FARP2: variants seen among roughly 807,000 people sequenced by gnomAD.
FARP2 encodes FERM, ARHGEF and pleckstrin domain-containing protein 2.
FARP2 carries 111 observed loss-of-function variants against 130.5 expected under a neutral mutation model. The observed-to-expected ratio is 0.85, with a 90% CI of 0.73 to 1.00. The LOEUF (loss-of-function observed/expected upper bound fraction) is 1.00. FARP2 is among the 50% of genes least tolerant of loss of function. The probability of loss-of-function intolerance (pLI) is 0.00; values close to 1 mark genes in which losing one functional copy is unlikely to be tolerated. For synonymous variants in FARP2, 504 were observed against 516.9 expected (o/e 0.98, Z 0.34); for missense variants, 1,385 against 1,346.3 (o/e 1.03, Z -0.45).
intron 2 of FARP2, among the ~76,000 whole-genome samples, chr2:241,385,442 A>G (rs1055293169): frequency 6.6e-6 from 1 of 152,182 alleles, no homozygotes; most frequent in Non-Finnish European, 1.5e-5. Flanking sequence ...AATGAGTAGG[A>G]TGGGCACAGT....
intron 13 of FARP2, chr2:241,441,763 C>T (rs1033990308): frequency 1.0e-5 from 7 of 699,482 alleles, no homozygotes; most frequent in South Asian, 9.2e-5. Flanking sequence ...TGGGGGGGCC[C>T]CTGCTTTCAC....
At chr2:241,478,960 C>T (rs1362316948) in intron 19 of FARP2, 1 of 416,000 alleles carries the variant, frequency 2.4e-6, no homozygotes, top group African/African-American at 2.1e-5. Context: ...GAAAGAAGGC[C>T]AAGATTTTGC....
At chr2:241,447,987 C>T (rs1470955730) in intron 13 of FARP2, among the ~76,000 whole-genome samples, 5 of 152,166 alleles carry the variant, frequency 3.3e-5, no homozygotes, top group Non-Finnish European at 7.4e-5. Context: ...CACCTGAGGC[C>T]AGGGTGGGAG....
chr2:241,382,292 AT>A (rs772855102), intron 2 of FARP2, among the ~76,000 whole-genome samples: 503 of 126,242 alleles, frequency 4.0e-3, no homozygotes, highest in African/African-American at 5.4e-3. Context: ...TACAAAATCT[AT>A]TTTTTTTTTT....
chr2:241,393,822 T>C (rs2150332495), intron 2 of FARP2, among the ~76,000 whole-genome samples: 1 of 152,364 alleles, frequency 6.6e-6, no homozygotes, highest in Non-Finnish European at 1.5e-5. Context: ...ACAATATTGT[T>C]TATACCTAAG....
chr2:241,377,358 A>C (rs111996634), intron 2 of FARP2, among the ~76,000 whole-genome samples: 267 of 145,740 alleles, frequency 1.8e-3, no homozygotes, highest in South Asian at 4.9e-3. Context: ...TTTTTGAGAC[A>C]GAGTCTCGCT....
intron 18 of FARP2, among the ~76,000 whole-genome samples, chr2:241,469,071 G>A (rs1364419439): frequency 6.6e-6 from 1 of 150,818 alleles, no homozygotes; most frequent in African/African-American, 2.4e-5. Flanking sequence ...TTTTGTTTTT[G>A]TTTATGTTTA....
At chr2:241,433,441 A>G (rs1356552443) in intron 9 of FARP2, among the ~76,000 whole-genome samples, 3 of 152,242 alleles carry the variant, frequency 2.0e-5, no homozygotes, top group Non-Finnish European at 4.4e-5. Context: ...CTTCAGGGCA[A>G]TATTTGTAGG....
intron 2 of FARP2, among the ~76,000 whole-genome samples, chr2:241,386,591 T>C (rs1022367593): frequency 1.2e-4 from 19 of 152,242 alleles, no homozygotes; most frequent in African/African-American, 4.6e-4. Context: ...CCCCTGGGCA[T>C]GTGCAGCTGT....
chr2:241,435,112 G>C lies in FARP2; in HGVS notation c.1100+82G>C, dbSNP rs2063192190. ...TATATATGGAGAGAGAGCGAAAAGA[G>C]AGACTGAGTCTTGCTCCGTCACCTA... is the stretch of plus-strand genomic sequence containing the variant. On this transcript the variant is annotated intron_variant, in intron 11 of 26. Transcript: ENST00000264042. The C allele has an allele frequency of 5.1e-6, 4 of 784,482 alleles. No homozygotes were observed. The Admixed American group carries it at 8.7e-5, about 17-fold the overall frequency. 48.6% of individuals were successfully genotyped at this position (784,482 alleles called of 1,614,324 possible). A position where few individuals can be genotyped will look rare whatever the true frequency, so the allele number is the denominator to read the frequency against.
chr2:241,458,987 G>A (rs2063941550), intron 14 of FARP2, among the ~76,000 whole-genome samples: 1 of 152,250 alleles, frequency 6.6e-6, no homozygotes, highest in Non-Finnish European at 1.5e-5. Context: ...CTTGGGCCCA[G>A]CCCCTGCGTG....
At chr2:241,479,211 T>G (rs2064552926) in intron 19 of FARP2, among the ~76,000 whole-genome samples, 1 of 152,144 alleles carries the variant, frequency 6.6e-6, no homozygotes, top group African/African-American at 2.4e-5. Context: ...TCTGGCCAGG[T>G]GGGTACTATC....
Position 241,443,758 on chromosome 2 carries a change from G to A in FARP2, c.1411+2202G>A, listed in dbSNP as rs116925727. On this transcript the variant is annotated intron_variant, in intron 13 of 26. Coordinates refer to ENST00000264042, the MANE Select transcript of FARP2 (RefSeq NM_014808.4). ...GTTCAATTTGTCAAGTCCACAGATA[G>A]GGTTGGGGTTTTTGTTGTTTTTCTT... is the stretch of plus-strand genomic sequence containing the variant. 31 of 152,406 alleles carry A rather than the reference G, an allele frequency of 2.0e-4. No homozygotes were observed. In the East Asian group the frequency reaches 5.2e-3, roughly 26 times the overall value. 9.4% of individuals were successfully genotyped at this position (152,406 alleles called of 1,614,324 possible).
intron 12 of FARP2, among the ~76,000 whole-genome samples, chr2:241,437,998 A>G (rs1284366011): frequency 1.3e-5 from 2 of 152,056 alleles, no homozygotes; most frequent in Admixed American, 6.6e-5. Flanking sequence ...TAGTAGAGAC[A>G]TGGTTTCACC....
chr2:241,447,012 T>G (rs2063528823), intron 13 of FARP2: 1 of 152,212 alleles, frequency 6.6e-6, no homozygotes, highest in Non-Finnish European at 1.5e-5. Flanking sequence ...TAAAGAGACA[T>G]TTTTGTTGTC....
intron 18 of FARP2, chr2:241,471,166 G>C (rs1339114818): frequency 6.6e-6 from 1 of 150,622 alleles, no homozygotes; most frequent in Admixed American, 6.6e-5. Flanking sequence ...CGGGGGTCCT[G>C]TTCTGAGGGG....
intron 2 of FARP2, among the ~76,000 whole-genome samples, chr2:241,380,708 G>T (rs1210168742): frequency 2.0e-5 from 3 of 150,656 alleles, no homozygotes; most frequent in East Asian, 1.9e-4. Flanking sequence ...TATTATATGG[G>T]ATTATATTAT....
At chr2:241,450,985 A>T (rs2063643327) in intron 13 of FARP2, among the ~76,000 whole-genome samples, 1 of 152,056 alleles carries the variant, frequency 6.6e-6, no homozygotes, top group African/African-American at 2.4e-5. Context: ...AAGATGATCA[A>T]ATCTTGTTAT....
At chr2:241,368,538 C>A (rs2061361889) in intron 1 of FARP2, among the ~76,000 whole-genome samples, 1 of 152,178 alleles carries the variant, frequency 6.6e-6, no homozygotes, top group Non-Finnish European at 1.5e-5. Flanking sequence ...TTATGTGAAA[C>A]AGCCTCAGCC....
Sources: allele counts gnomAD v4.1 joint callset (sites outside exome capture counted in the v4.1 genomes callset), GRCh38; gene constraint gnomAD v4.1.1; transcripts MANE v1.5; gene names NCBI Gene and HGNC (gene_info 2026-07-23, HGNC 2026-07-21).